Variants in A2ML1 observed in about 807,000 individuals in gnomAD.
The protein encoded by A2ML1 is alpha-2-macroglobulin like 1.
Under a neutral mutation model 181.9 loss-of-function variants are expected in A2ML1, and 161 were observed. That is an observed-to-expected ratio of 0.89 (90% CI 0.78 to 1.01). The LOEUF is 1.01. Among genes scored for constraint, A2ML1 ranks in the 50% least tolerant of loss-of-function variants. A2ML1 has a pLI of 0.00. For missense variants in A2ML1, 1,670 were observed against 1,768.1 expected (o/e 0.94, Z 1.00); for synonymous variants, 663 against 666.8 (o/e 0.99, Z 0.09).
chr12:8,841,060 G>A (rs748004894), intron 10 of A2ML1, among the ~76,000 whole-genome samples: 12 of 142,838 alleles, frequency 8.4e-5, no homozygotes, highest in African/African-American at 1.1e-4. Context: ...GCAAAACAAC[G>A]TGCAGAACCT....
chr12:8,849,239 G>A lies in A2ML1; in HGVS notation c.2028+325G>A, dbSNP rs748078861. Reference sequence around the variant, plus strand: ...CTATTCTATGAGCAGGATTTGGGATGCTGTGTGACCCAAGTCTGACCAGGA... The same window carrying A: ...CTATTCTATGAGCAGGATTTGGGATACTGTGTGACCCAAGTCTGACCAGGA... On this transcript the variant is annotated intron_variant, in intron 16 of 35. Coordinates refer to ENST00000299698, the MANE Select transcript of A2ML1 (RefSeq NM_144670.6). Among the ~76,000 whole-genome samples the A allele has an allele frequency of 4.8e-4, 73 of 152,310 alleles. 1 individual carries two copies. Among genetic ancestry groups the A allele is most frequent in the Non-Finnish European group, 6.9e-4 (47 of 68,034 alleles).
In A2ML1 at chr12:8,875,031, T is replaced by C; in HGVS notation, c.*1+19T>C. 1 of 1,613,180 alleles carries C rather than the reference T, an allele frequency of 6.2e-7. No homozygotes were observed. The highest frequency in any genetic ancestry group is 8.5e-7 in the Non-Finnish European group (1 of 1,179,388). ...GAATGAGGTAAGTCCAGCGGAGAAA[T>C]GGGTGGAGTTATGGGTTAGGGTGGC... On this transcript the variant is annotated intron_variant, in intron 35 of 35. Transcript: ENST00000299698.
At chr12:8,857,732 C>A in intron 25 of A2ML1, 144 bp downstream of exon 25, 1 of 1,123,834 alleles carries the variant, frequency 8.9e-7, no homozygotes, top group Non-Finnish European at 1.3e-6. Flanking sequence ...ATTTCACCCT[C>A]ATGGATGGTC....
rs760996560 is a variant in A2ML1 at position 8,839,183 on chromosome 12, C to T, written c.1041C>T (p.Thr347=). 4.2e-5 allele frequency: 67 copies of T among 1,613,514 alleles called. No individual in the cohort carries two copies. The Middle Eastern group carries it at 4.9e-4, about 12-fold the overall frequency. Residue 347 remains threonine, a synonymous_variant, in exon 10 of 36, where the codon ACC becomes ACT. Coordinates refer to ENST00000299698, the MANE Select transcript of A2ML1 (RefSeq NM_144670.6). ...TGGGATCAATGACCTTTGAAGACAC[C>T]AGCAATTTTTACCATCCAAATTTCC... ...PQMGSMTFED[T]SNFYHPNFPF... is the part of the protein sequence containing the mutation.
intron 4 of A2ML1, among the ~76,000 whole-genome samples, chr12:8,832,696 G>A (rs1207232107): frequency 1.3e-5 from 2 of 152,118 alleles, no homozygotes; most frequent in Non-Finnish European, 1.5e-5. Context: ...AAAGGCTGTC[G>A]ATTGTTCTGG....
At chr12:8,826,882 G>A (rs939534821) in intron 3 of A2ML1, among the ~76,000 whole-genome samples, 2 of 151,722 alleles carry the variant, frequency 1.3e-5, no homozygotes, top group East Asian at 2.0e-4. Context: ...GCCTCCCAAA[G>A]TGCTGGGGTT....
At chr12:8,829,985 C>T (rs1490431638) in intron 4 of A2ML1, among the ~76,000 whole-genome samples, 3 of 151,822 alleles carry the variant, frequency 2.0e-5, no homozygotes, top group Non-Finnish European at 4.4e-5. Flanking sequence ...GTAACCAGTT[C>T]TCAGCTTCAG....
At position 8,864,003 on chromosome 12, in the gene A2ML1, A is replaced by T; in HGVS notation, c.3712A>T (p.Thr1238Ser). The T allele has an allele frequency of 6.2e-7, 1 of 1,611,444 alleles. No individual in the cohort carries two copies. Among genetic ancestry groups the T allele is most frequent in the East Asian group, 2.2e-5 (1 of 44,860 alleles). Reference sequence around the variant, plus strand: ...CAATGCATATGGGGGCTTCTCTTCTACTCAGGTAAACAGCCTGTTCTCCCA... The same window carrying T: ...CAATGCATATGGGGGCTTCTCTTCTTCTCAGGTAAACAGCCTGTTCTCCCA... ...QHNAYGGFSS[T>S]QDTVVALQAL... The change falls in exon 29 of 36, where the codon ACT (threonine) becomes TCT (serine). Residue 1238 changes from threonine (T) to serine (S), a missense_variant. Transcript: ENST00000299698.
At chr12:8,885,512 C>T (rs1451931416) in intron 7 of A2ML1, among the ~76,000 whole-genome samples, 1 of 152,036 alleles carries the variant, frequency 6.6e-6, no homozygotes, top group African/African-American at 2.4e-5. Flanking sequence ...GGTTGGAGTA[C>T]AGTGGTGCAA....
intron 35 of A2ML1, 44 bp downstream of exon 35, chr12:8,875,056 C>T (rs779684938): frequency 6.3e-6 from 10 of 1,596,560 alleles, no homozygotes; most frequent in Middle Eastern, 1.7e-4. Flanking sequence ...GTTAGGGTGG[C>T]AGAAGTTAAG....
chr12:8,843,284 C>T lies in A2ML1; in HGVS notation c.1399C>T (p.Pro467Ser). Reference protein sequence around the residue: ...RLNGPLKCGQPQEVLVDYYID... With the variant: ...RLNGPLKCGQSQEVLVDYYID... Reference sequence around the variant, plus strand: ...AAACGGCCCCTTGAAATGTGGCCAGCCCCAGGAAGTGCTGGTGGATTATTA... The same window carrying T: ...AAACGGCCCCTTGAAATGTGGCCAGTCCCAGGAAGTGCTGGTGGATTATTA... Residue 467 changes from proline (P) to serine (S), a missense_variant, in exon 12 of 36, where the codon CCC (proline) becomes TCC (serine). Coordinates refer to ENST00000299698, the MANE Select transcript of A2ML1 (RefSeq NM_144670.6). The T allele has an allele frequency of 6.2e-7, 1 of 1,614,166 alleles. No individual in the cohort carries two copies. The highest frequency in any genetic ancestry group is 8.5e-7 in the Non-Finnish European group (1 of 1,180,030).
At chr12:8,847,060 G>A (rs898454059) in intron 14 of A2ML1, among the ~76,000 whole-genome samples, 41 of 149,508 alleles carry the variant, frequency 2.7e-4, no homozygotes, top group African/African-American at 9.3e-4. Context: ...TCAGACTCCC[G>A]AGTAGCTGGG....
intron 16 of A2ML1, 42 bp from the exon 17 acceptor site, chr12:8,849,627 G>A: frequency 1.3e-6 from 2 of 1,527,048 alleles, no homozygotes; most frequent in Non-Finnish European, 1.8e-6. Context: ...TTGTAGTTGG[G>A]GAAGGGACCA....
At chr12:8,842,144 T>C (rs935337669) in intron 11 of A2ML1, among the ~76,000 whole-genome samples, 5 of 152,180 alleles carry the variant, frequency 3.3e-5, no homozygotes, top group African/African-American at 7.2e-5. Flanking sequence ...TATATTCTTA[T>C]GGCAGTGATG....
Position 8,843,284 on chromosome 12 carries a change from C to A in A2ML1, c.1399C>A (p.Pro467Thr). ...AAACGGCCCCTTGAAATGTGGCCAGCCCCAGGAAGTGCTGGTGGATTATTA... is the reference window on the plus strand; with the variant it reads ...AAACGGCCCCTTGAAATGTGGCCAGACCCAGGAAGTGCTGGTGGATTATTA... ...RLNGPLKCGQ[P>T]QEVLVDYYID... Residue 467 changes from proline to threonine, a missense_variant, in exon 12 of 36, where the codon CCC (proline) becomes ACC (threonine). Coordinates refer to ENST00000299698, the MANE Select transcript of A2ML1 (RefSeq NM_144670.6). 2 of 1,614,166 alleles carry A rather than the reference C, an allele frequency of 1.2e-6. No homozygotes were observed. The highest frequency in any genetic ancestry group is 1.7e-6 in the Non-Finnish European group (2 of 1,180,030).
intron 4 of A2ML1, among the ~76,000 whole-genome samples, chr12:8,831,695 C>T (rs1943116999): frequency 1.3e-5 from 2 of 152,120 alleles, no homozygotes; most frequent in South Asian, 4.1e-4. Context: ...TGGAGTTTTA[C>T]TGTTACTCAA....
chr12:8,851,060 C>T (rs1943871856), intron 18 of A2ML1, among the ~76,000 whole-genome samples: 1 of 152,168 alleles, frequency 6.6e-6, no homozygotes, highest in African/African-American at 2.4e-5. Context: ...TTCATGCATT[C>T]ATATACAACC....
chr12:8,885,806 C>T (rs904319825), intron 7 of A2ML1, among the ~76,000 whole-genome samples: 14 of 152,198 alleles, frequency 9.2e-5, no homozygotes, highest in African/African-American at 3.1e-4. Context: ...TTGCTTTTTG[C>T]GCATGGTATG....
At chr12:8,849,646 C>T (rs1452995741) in intron 16 of A2ML1, 23 bp from the exon 17 acceptor site, 2 of 1,605,788 alleles carry the variant, frequency 1.2e-6, no homozygotes, top group Admixed American at 1.7e-5. Context: ...CACCTTAATA[C>T]TTATTTCTCT....
Sources: allele counts gnomAD v4.1 joint callset (sites outside exome capture counted in the v4.1 genomes callset), GRCh38; gene constraint gnomAD v4.1.1; transcripts MANE v1.5; gene names NCBI Gene and HGNC (gene_info 2026-07-23, HGNC 2026-07-21).